The following CHRM5 variants were observed in gnomAD, a reference collection of about 807,000 sequenced individuals.
The protein encoded by CHRM5 is muscarinic acetylcholine receptor M5.
In CHRM5, 18 loss-of-function variants were observed where a neutral mutation model predicts 39.0. That is an observed-to-expected ratio of 0.46 (90% CI 0.32 to 0.68). CHRM5 has a LOEUF of 0.68. Ranked by LOEUF, CHRM5 falls within the 30% of genes least tolerant of loss-of-function variation. The pLI is 0.04. For missense variants in CHRM5, 515 were observed against 651.1 expected (o/e 0.79, Z 2.28); for synonymous variants, 241 against 246.3 (o/e 0.98, Z 0.20).
At chr15:34,023,293 T>C (rs777460727) in intron 1 of CHRM5, among the ~76,000 whole-genome samples, 11 of 152,162 alleles carry the variant, frequency 7.2e-5, no homozygotes, top group Non-Finnish European at 1.5e-4. Context: ...CTTTTCTGAG[T>C]CCTCAGGTAA....
intron 2 of CHRM5, among the ~76,000 whole-genome samples, chr15:34,052,202 T>C (rs2140828328): frequency 6.6e-6 from 1 of 152,106 alleles, no homozygotes; most frequent in Admixed American, 6.5e-5. Flanking sequence ...CATATGCAAA[T>C]CAATAAATGC....
chr15:34,025,757 C>CGT lies in CHRM5; in HGVS notation c.-407-20770_-407-20769dup, dbSNP rs150188349. Among the ~76,000 whole-genome samples, 172 of 133,062 alleles carry CGT rather than the reference C, an allele frequency of 1.3e-3. 1 individual carries two copies. The highest frequency in any genetic ancestry group is 4.2e-3 in the African/African-American group (163 of 38,846). 87.3% of individuals were successfully genotyped at this position (133,062 alleles called of 152,430 possible). A position where few individuals can be genotyped will look rare whatever the true frequency, so the allele number is the denominator to read the frequency against. On this transcript the variant is annotated intron_variant, in intron 1 of 2. Coordinates refer to ENST00000383263, the MANE Select transcript of CHRM5 (RefSeq NM_012125.4). ...GTGTTTTTGTTTTGGTTTGGTTTTG[C>CGT]GTGTGTGTGTGTGTTTGTGTGTGTG...
At chr15:33,969,216 G>A (rs1471186317) in intron 1 of CHRM5, 66 bp downstream of exon 1, 2 of 151,976 alleles carry the variant, frequency 1.3e-5, no homozygotes, top group Non-Finnish European at 2.9e-5. Context: ...CTCGTGCTGT[G>A]AATGAGATAG....
intron 1 of CHRM5, among the ~76,000 whole-genome samples, chr15:34,014,807 T>C (rs1284877692): frequency 6.6e-6 from 1 of 152,186 alleles, no homozygotes; most frequent in East Asian, 1.9e-4. Flanking sequence ...ATGTGGCCCC[T>C]TGACCTCTCA....
chr15:34,051,839 A>T (rs1162060597), intron 2 of CHRM5, among the ~76,000 whole-genome samples: 1 of 152,082 alleles, frequency 6.6e-6, no homozygotes, highest in African/African-American at 2.4e-5. Flanking sequence ...AAATTGAGGC[A>T]CTAATAAATA....
intron 1 of CHRM5, among the ~76,000 whole-genome samples, chr15:34,043,265 A>G (rs1444768778): frequency 1.3e-5 from 2 of 151,846 alleles, no homozygotes; most frequent in African/African-American, 4.8e-5. Context: ...AAAAAAGACT[A>G]TGGATCTCAT....
At chr15:34,053,319 A>AATATATATATATATAT (rs71119922) in intron 2 of CHRM5, among the ~76,000 whole-genome samples, 44 of 42,050 alleles carry the variant, frequency 1.0e-3, no homozygotes, top group African/African-American at 3.3e-3. Context: ...AAAAAAAAAA[A>AATATATATATATATAT]ATATATATAT....
At chr15:34,041,922 G>C (rs1410214829) in intron 1 of CHRM5, among the ~76,000 whole-genome samples, 1 of 152,026 alleles carries the variant, frequency 6.6e-6, no homozygotes, top group Admixed American at 6.6e-5. Flanking sequence ...GAAGTCCGGG[G>C]GTATGTTACT....
chr15:33,990,559 T>C lies in CHRM5; in HGVS notation c.-408+21409T>C, dbSNP rs1024132771. ...CTCATTAAGCCATGTCCAGTATAAC[T>C]AGCTTAAATTATCTAATAATAAACA... On this transcript the variant is annotated intron_variant, in intron 1 of 2. Transcript: ENST00000383263. 2.6e-5 allele frequency: 4 copies of C among 152,222 alleles called. No individual in the cohort carries two copies. The South Asian group carries it at 8.3e-4, about 32-fold the overall frequency. 9.4% of individuals were successfully genotyped at this position (152,222 alleles called of 1,614,324 possible).
chr15:34,039,411 G>GA (rs11422920), intron 1 of CHRM5, among the ~76,000 whole-genome samples: 147,948 of 151,494 alleles, frequency 0.98, 72,333 homozygotes, highest in East Asian at 1. Flanking sequence ...TGAACTCTCG[G>GA]AAAAAAAAAG....
chr15:34,046,343 G>GGA (rs1555520151), intron 1 of CHRM5, among the ~76,000 whole-genome samples, 197 bp from the exon 2 acceptor site: 1 of 141,434 alleles, frequency 7.1e-6, no homozygotes, highest in African/African-American at 2.6e-5. Context: ...AGTGAGGCAG[G>GGA]AAAAAAAAAA....
intron 1 of CHRM5, among the ~76,000 whole-genome samples, chr15:34,028,785 G>T (rs74007663): frequency 6.6e-6 from 1 of 152,034 alleles, no homozygotes; most frequent in East Asian, 1.9e-4. Context: ...TAGCACATGG[G>T]GGGTGAGAAG....
intron 1 of CHRM5, among the ~76,000 whole-genome samples, chr15:34,039,796 C>T (rs530415912): frequency 1.3e-5 from 2 of 152,272 alleles, no homozygotes; most frequent in African/African-American, 2.4e-5. Flanking sequence ...GGATGACTGT[C>T]ATCCTTATTC....
intron 2 of CHRM5, among the ~76,000 whole-genome samples, chr15:34,052,710 C>G (rs900658449): frequency 6.6e-6 from 1 of 152,142 alleles, no homozygotes; most frequent in Admixed American, 6.5e-5. Context: ...AACAGGAAAG[C>G]ACAGAGCCAA....
intron 1 of CHRM5, among the ~76,000 whole-genome samples, chr15:34,004,198 C>T (rs1257300930): frequency 1.3e-5 from 2 of 152,186 alleles, no homozygotes; most frequent in Non-Finnish European, 2.9e-5. Flanking sequence ...AAAAAGTTCC[C>T]TGTATTACAA....
chr15:33,987,204 G>A (rs1212526135), intron 1 of CHRM5, among the ~76,000 whole-genome samples: 1 of 152,216 alleles, frequency 6.6e-6, no homozygotes. Flanking sequence ...CTCCACATAT[G>A]ACAGTGACTA....
intron 1 of CHRM5, among the ~76,000 whole-genome samples, chr15:34,045,495 C>T (rs1006588648): frequency 1.3e-5 from 2 of 152,150 alleles, no homozygotes. Context: ...CACAGTGGTA[C>T]CCCATGTGCT....
At chr15:34,051,256 T>C (rs183036948) in intron 2 of CHRM5, among the ~76,000 whole-genome samples, 2 of 151,918 alleles carry the variant, frequency 1.3e-5, no homozygotes, top group Admixed American at 6.6e-5. Context: ...CCTGGGCAAA[T>C]AATGAAATTA....
At chr15:34,038,653 C>T in intron 1 of CHRM5, 1 of 883,318 alleles carries the variant, frequency 1.1e-6, no homozygotes, top group Non-Finnish European at 1.4e-6. Flanking sequence ...CCGTCCCGCG[C>T]AGGCGCCGGC....
Sources: allele counts gnomAD v4.1 joint callset (sites outside exome capture counted in the v4.1 genomes callset), GRCh38; gene constraint gnomAD v4.1.1; transcripts MANE v1.5; gene names NCBI Gene and HGNC (gene_info 2026-07-23, HGNC 2026-07-21).